ERC1: variants seen among roughly 807,000 people sequenced by gnomAD.
ERC1 encodes RAB6 interacting protein 2.
In ERC1, 56 loss-of-function variants were observed where a neutral mutation model predicts 132.0. The observed-to-expected ratio is 0.42, with a 90% confidence interval of 0.34 to 0.53. ERC1 has a LOEUF of 0.53. Among genes scored for constraint, ERC1 ranks in the 20% least tolerant of loss-of-function variants. The pLI, the probability that ERC1 is intolerant of heterozygous loss-of-function variation, is 0.03. For missense variants in ERC1, 1,202 were observed against 1,349.9 expected, an observed-to-expected ratio of 0.89 and a Z score of 1.72; for synonymous variants, 478 against 476.1, an observed-to-expected ratio of 1.00 and a Z score of -0.05.
intron 18 of ERC1, among the ~76,000 whole-genome samples, chr12:1,483,814 C>T (rs1238856441): frequency 4.6e-5 from 7 of 151,104 alleles, no homozygotes; most frequent in Admixed American, 3.3e-4. Flanking sequence ...CTTAGCCTCC[C>T]GAGTACCTGG....
intron 15 of ERC1, among the ~76,000 whole-genome samples, chr12:1,335,645 T>G (rs2083248512): frequency 6.6e-6 from 1 of 152,190 alleles, no homozygotes. Flanking sequence ...TGTTGAGGAT[T>G]TTGCATTGAC....
At chr12:1,160,730 A>T (rs1255169966) in intron 8 of ERC1, among the ~76,000 whole-genome samples, 1 of 152,134 alleles carries the variant, frequency 6.6e-6, no homozygotes, top group African/African-American at 2.4e-5. Flanking sequence ...CAAATCTAAG[A>T]TCAGCCTGTA....
At chr12:1,226,766 T>C (rs2074609439) in intron 12 of ERC1, among the ~76,000 whole-genome samples, 2 of 152,166 alleles carry the variant, frequency 1.3e-5, no homozygotes, top group Admixed American at 6.5e-5. Context: ...AGCCTCCACC[T>C]CCTGAGCTCA....
Position 1,104,836 on chromosome 12 carries a change from T to C in ERC1, c.1161+12T>C. 6.3e-7 allele frequency: 1 copy of C among 1,583,984 alleles called. No homozygotes were observed. The highest frequency in any genetic ancestry group is 8.7e-7 in the Non-Finnish European group (1 of 1,152,754). On this transcript the variant is annotated intron_variant, in intron 4 of 18. Coordinates refer to ENST00000360905, the MANE Select transcript of ERC1 (RefSeq NM_178040.4). ...TTATTGAGATGAAGGTAAGTGAGAA[T>C]CTAGTAAAGAATCTTATGAATTACC...
chr12:1,451,401 C>T (rs1041768108), intron 18 of ERC1, among the ~76,000 whole-genome samples: 14 of 152,170 alleles, frequency 9.2e-5, no homozygotes, highest in African/African-American at 3.1e-4. Context: ...TTGCTTGAGG[C>T]CAGGAGTTCA....
At chr12:1,024,119 G>A (rs959666484) in intron 1 of ERC1, among the ~76,000 whole-genome samples, 5 of 152,196 alleles carry the variant, frequency 3.3e-5, no homozygotes, top group Admixed American at 6.5e-5. Flanking sequence ...GGTGGCTCAC[G>A]CCTGTAATCC....
At chr12:1,472,167 T>C (rs55982283) in intron 18 of ERC1, among the ~76,000 whole-genome samples, 48,335 of 152,108 alleles carry the variant, frequency 0.32, 11,475 homozygotes, top group African/African-American at 0.67. Flanking sequence ...GAAAACTAAA[T>C]GATAATTTAT....
intron 8 of ERC1, among the ~76,000 whole-genome samples, chr12:1,156,992 A>G (rs961585046): frequency 3.3e-5 from 5 of 151,962 alleles, no homozygotes; most frequent in Non-Finnish European, 7.4e-5. Flanking sequence ...AACTTCATTT[A>G]TGTATTTATT....
chr12:1,458,172 C>T (rs1209635304), intron 18 of ERC1, among the ~76,000 whole-genome samples: 3 of 152,202 alleles, frequency 2.0e-5, no homozygotes, highest in African/African-American at 7.2e-5. Context: ...GAAGCCAGCC[C>T]ACATGGCCAA....
chr12:1,407,925 G>A (rs1381808574), intron 16 of ERC1, among the ~76,000 whole-genome samples: 2 of 152,106 alleles, frequency 1.3e-5, no homozygotes, highest in Admixed American at 6.5e-5. Context: ...GTATGGTAAC[G>A]TTGGGGTTTA....
chr12:1,376,434 G>A (rs1052432111), intron 16 of ERC1, among the ~76,000 whole-genome samples: 5 of 152,190 alleles, frequency 3.3e-5, no homozygotes, highest in African/African-American at 9.6e-5. Context: ...GGGTATCCCC[G>A]ACTAGTATAA....
intron 1 of ERC1, chr12:1,027,281 C>T (rs1486205073): frequency 6.6e-6 from 1 of 152,172 alleles, no homozygotes; most frequent in South Asian, 2.1e-4. Flanking sequence ...ATTCTAATAA[C>T]TTGTCAGTTG....
intron 16 of ERC1, among the ~76,000 whole-genome samples, chr12:1,393,549 A>G (rs769598576): frequency 2.0e-5 from 3 of 151,752 alleles, no homozygotes; most frequent in Non-Finnish European, 4.4e-5. Flanking sequence ...AATATCAAAA[A>G]GAACTTTTAT....
chr12:1,144,692 TG>T (rs950454383), intron 8 of ERC1, among the ~76,000 whole-genome samples: 3 of 144,822 alleles, frequency 2.1e-5, no homozygotes, highest in African/African-American at 8.5e-5. Context: ...ATCCACTTGT[TG>T]ATTGGTGGGC....
Position 1,447,060 on chromosome 12 carries a change from A to G in ERC1, c.3213+2310A>G, listed in dbSNP as rs147329776. ...AAAAAAAAGGACAGTATTAAATTCAATTCCTAATAGCTCTTTTTGATATTG... is the reference window on the plus strand; with the variant it reads ...AAAAAAAAGGACAGTATTAAATTCAGTTCCTAATAGCTCTTTTTGATATTG... On this transcript the variant is annotated intron_variant, in intron 18 of 18. Coordinates refer to ENST00000360905, the MANE Select transcript of ERC1 (RefSeq NM_178040.4). Among the ~76,000 whole-genome samples the G allele has an allele frequency of 4.3e-3, 651 of 152,104 alleles. 8 individuals are homozygous for G. Among genetic ancestry groups the G allele is most frequent in the African/African-American group, 0.015 (618 of 41,460 alleles).
chr12:1,147,622 G>T (rs536751623), intron 8 of ERC1, among the ~76,000 whole-genome samples: 2 of 152,142 alleles, frequency 1.3e-5, no homozygotes, highest in Non-Finnish European at 2.9e-5. Flanking sequence ...TTAATAATGC[G>T]TAAGCCTTTT....
At position 996,379 on chromosome 12, in the gene ERC1, G is replaced by A. The variant is rs998536565; in HGVS notation, c.-157+5057G>A. Among the ~76,000 whole-genome samples the A allele has an allele frequency of 4.0e-5, 6 of 150,132 alleles. No homozygotes were observed. The Admixed American group carries it at 4.0e-4, about 10-fold the overall frequency. The stretch of plus-strand genomic sequence containing the variant: ...GGCCTCTCAGAGTGCTGGGATTACA[G>A]GCATAAGCGACCACACCTGGCCTCA... On this transcript the variant is annotated intron_variant, in intron 1 of 18. Coordinates refer to ENST00000360905, the MANE Select transcript of ERC1 (RefSeq NM_178040.4).
chr12:1,368,204 T>G (rs1725127070), intron 15 of ERC1, among the ~76,000 whole-genome samples: 1 of 152,086 alleles, frequency 6.6e-6, no homozygotes, highest in Admixed American at 6.6e-5. Context: ...GATGATTAAT[T>G]CCTTTGAGGT....
chr12:1,308,340 TTTTA>T (rs1306858529), intron 15 of ERC1, among the ~76,000 whole-genome samples: 1 of 152,136 alleles, frequency 6.6e-6, no homozygotes, highest in Non-Finnish European at 1.5e-5. Context: ...AAAAAAATGC[TTTTA>T]TTCAGTTATA....
Sources: allele counts gnomAD v4.1 joint callset (sites outside exome capture counted in the v4.1 genomes callset), GRCh38; gene constraint gnomAD v4.1.1; transcripts MANE v1.5; gene names NCBI Gene and HGNC (gene_info 2026-07-23, HGNC 2026-07-21).